IKZF1: variants seen among roughly 807,000 people sequenced by gnomAD.
IKZF1 encodes IKAROS family zinc finger 1, also known as DNA-binding protein Ikaros.
In IKZF1, 10 loss-of-function variants were observed where a neutral mutation model predicts 51.7. The observed-to-expected ratio is 0.19, with a 90% CI of 0.12 to 0.33. The LOEUF is 0.33. IKZF1 is among the 10% of genes least tolerant of loss of function. The probability of loss-of-function intolerance (pLI) is 1.00; values close to 1 mark genes in which losing one functional copy is unlikely to be tolerated. For missense variants in IKZF1, 484 were observed against 707.5 expected (o/e 0.68, Z 3.58); for synonymous variants, 280 against 282.3 (o/e 0.99, Z 0.08).
chr7:50,339,493 G>A (rs980106699), intron 3 of IKZF1, among the ~76,000 whole-genome samples: 75 of 152,196 alleles, frequency 4.9e-4, no homozygotes, highest in South Asian at 1.0e-3. Flanking sequence ...GGCTTACGCC[G>A]TAATCCCAGC....
At chr7:50,323,779 G>A (rs1186771895) in intron 2 of IKZF1, among the ~76,000 whole-genome samples, 4 of 152,160 alleles carry the variant, frequency 2.6e-5, no homozygotes, top group Non-Finnish European at 5.9e-5. Flanking sequence ...TATACCTTAT[G>A]TTTCTATGTG....
chr7:50,369,369 G>T (rs762222876), intron 3 of IKZF1: 1 of 394,972 alleles, frequency 2.5e-6, no homozygotes. Flanking sequence ...CCTTCAGTCT[G>T]TAAGAATCGC....
At position 50,403,231 on chromosome 7, in the gene IKZF1, A is replaced by C. The variant is rs1022415585; in HGVS notation, c.*2604A>C. On this transcript the variant is annotated 3_prime_UTR_variant, in exon 8 of 8. Transcript: ENST00000331340. ...AAGTAAGGTTTCATATTATGTCAGCAAGTAATTAACTTATGTTTAAAAGGT... is the reference window on the plus strand; with the variant it reads ...AAGTAAGGTTTCATATTATGTCAGCCAGTAATTAACTTATGTTTAAAAGGT... 9.1e-6 allele frequency: 2 copies of C among 220,696 alleles called. No individual in the cohort carries two copies. Among genetic ancestry groups the C allele is most frequent in the Non-Finnish European group, 9.1e-6 (1 of 110,306 alleles). The allele number at this position is 220,696 out of a possible 1,614,324, so 13.7% of individuals were successfully genotyped here.
intron 3 of IKZF1, among the ~76,000 whole-genome samples, chr7:50,371,097 C>T (rs1808531678): frequency 6.6e-6 from 1 of 152,142 alleles, no homozygotes; most frequent in African/African-American, 2.4e-5. Flanking sequence ...GATTCTAGGG[C>T]AGGTATGATC....
intron 5 of IKZF1, among the ~76,000 whole-genome samples, chr7:50,384,875 A>G (rs1345094383): frequency 1.3e-5 from 2 of 152,266 alleles, no homozygotes; most frequent in Non-Finnish European, 2.9e-5. Context: ...GACACCAACC[A>G]TAGGTCATCA....
intron 7 of IKZF1, among the ~76,000 whole-genome samples, chr7:50,396,576 C>T (rs1330072482): frequency 3.9e-5 from 6 of 152,140 alleles, no homozygotes; most frequent in Non-Finnish European, 8.8e-5. Context: ...TCCTTTCTTC[C>T]CCTGTATTTC....
chr7:50,365,458 T>C (rs1178937991), intron 3 of IKZF1, among the ~76,000 whole-genome samples: 1 of 152,240 alleles, frequency 6.6e-6, no homozygotes, highest in East Asian at 1.9e-4. Flanking sequence ...ACTGATTCTT[T>C]TGAAACGTGA....
chr7:50,366,765 A>G (rs1807089111), intron 3 of IKZF1, among the ~76,000 whole-genome samples: 1 of 152,206 alleles, frequency 6.6e-6, no homozygotes, highest in South Asian at 2.1e-4. Flanking sequence ...GCAGCTTCAT[A>G]AAGCAGAATA....
At position 50,375,802 on chromosome 7, in the gene IKZF1, TTAACC is replaced by T. The variant is rs1213151892; in HGVS notation, c.161-730_161-726del. On this transcript the variant is annotated intron_variant, in intron 3 of 7. Transcript: ENST00000331340. Reference sequence around the variant, plus strand: ...TACCTACATTCATAAACTATCCCAATTAACCCTTCAGCAAGTGGAAGAAGTGTAAG... The same window carrying T: ...TACCTACATTCATAAACTATCCCAATCTTCAGCAAGTGGAAGAAGTGTAAG... 2.1e-5 allele frequency among the ~76,000 whole-genome samples: 3 copies of T among 145,010 alleles called. No individual in the cohort carries two copies. The Admixed American group carries it at 2.2e-4, about 11-fold the overall frequency.
intron 2 of IKZF1, among the ~76,000 whole-genome samples, chr7:50,324,407 A>G (rs187736108): frequency 2.0e-5 from 3 of 152,122 alleles, no homozygotes; most frequent in Admixed American, 2.0e-4. Context: ...AATATATCTC[A>G]CTTCACTACC....
At chr7:50,334,140 T>G (rs1797023185) in intron 3 of IKZF1, among the ~76,000 whole-genome samples, 1 of 152,228 alleles carries the variant, frequency 6.6e-6, no homozygotes, top group Non-Finnish European at 1.5e-5. Flanking sequence ...TCAAAATGTT[T>G]AGGGATCATG....
chr7:50,347,801 G>A (rs1800749703), intron 3 of IKZF1, among the ~76,000 whole-genome samples: 1 of 152,144 alleles, frequency 6.6e-6, no homozygotes, highest in African/African-American at 2.4e-5. Context: ...CCATCGATAC[G>A]GAAAGATTTC....
intron 3 of IKZF1, among the ~76,000 whole-genome samples, chr7:50,360,830 C>A (rs947264534): frequency 6.6e-6 from 1 of 152,200 alleles, no homozygotes; most frequent in African/African-American, 2.4e-5. Context: ...TGGCTCTGCC[C>A]GGCGCTGCCC....
At chr7:50,379,348 G>C (rs1811193267) in intron 4 of IKZF1, among the ~76,000 whole-genome samples, 1 of 152,244 alleles carries the variant, frequency 6.6e-6, no homozygotes, top group Non-Finnish European at 1.5e-5. Flanking sequence ...GTCCCTTCCA[G>C]GATACACTGA....
intron 5 of IKZF1, 92 bp from the exon 6 acceptor site, chr7:50,387,253 A>T: frequency 3.5e-6 from 5 of 1,424,106 alleles, no homozygotes; most frequent in Middle Eastern, 1.9e-4. Context: ...TTTTTTTTTA[A>T]CTTTTTTGGT....
intron 3 of IKZF1, among the ~76,000 whole-genome samples, chr7:50,371,242 T>A (rs1808580670): frequency 6.6e-6 from 1 of 152,190 alleles, no homozygotes; most frequent in South Asian, 2.1e-4. Context: ...CAGGAGGTGC[T>A]CAGCTTCAGT....
chr7:50,335,113 T>C (rs1487494516), intron 3 of IKZF1, among the ~76,000 whole-genome samples: 1 of 148,080 alleles, frequency 6.8e-6, no homozygotes, highest in Admixed American at 6.7e-5. Flanking sequence ...GTGGTGTGTA[T>C]ATGTTTATGG....
intron 5 of IKZF1, among the ~76,000 whole-genome samples, chr7:50,386,511 C>G (rs77563422): frequency 0.036 from 5,527 of 152,260 alleles, 413 homozygotes; most frequent in East Asian, 0.19. Context: ...CTACACCATC[C>G]TAAAGCTCTT....
At chr7:50,351,511 C>T (rs1320502259) in intron 3 of IKZF1, among the ~76,000 whole-genome samples, 1 of 152,172 alleles carries the variant, frequency 6.6e-6, no homozygotes, top group African/African-American at 2.4e-5. Context: ...GATTTGTGCG[C>T]TTTGAACATA....
Sources: gnomAD v4.1 joint callset for allele counts (sites outside exome capture counted in the v4.1 genomes callset) on GRCh38, gnomAD v4.1.1 for gene constraint, MANE v1.5 for transcripts, NCBI Gene and HGNC (gene_info 2026-07-23, HGNC 2026-07-21) for gene names.